Variants in CCDC88A observed in about 807,000 individuals in gnomAD.
CCDC88A encodes the protein coiled-coil and HOOK domain protein 88A.
In CCDC88A, 54 loss-of-function variants were observed where a neutral mutation model predicts 234.3. That is an observed-to-expected ratio of 0.23 (90% CI 0.19 to 0.29). CCDC88A has a LOEUF of 0.29. Among genes scored for constraint, CCDC88A ranks in the 10% least tolerant of loss-of-function variants. The pLI, the probability that CCDC88A is intolerant of heterozygous loss-of-function variation, is 1.00. For synonymous variants in CCDC88A, 753 were observed against 737.8 expected (o/e 1.02, Z -0.33); for missense variants, 1,832 against 2,123.4 (o/e 0.86, Z 2.70).
chr2:55,333,439 G>A (rs943704880), intron 15 of CCDC88A, among the ~76,000 whole-genome samples: 8 of 152,168 alleles, frequency 5.3e-5, no homozygotes, highest in African/African-American at 1.4e-4. Context: ...TAGTTGCTCA[G>A]TGTTGAATGG....
intron 13 of CCDC88A, among the ~76,000 whole-genome samples, chr2:55,338,393 A>G (rs768169505): frequency 3.9e-5 from 6 of 152,244 alleles, no homozygotes; most frequent in Non-Finnish European, 8.8e-5. Context: ...CAGCAGGATG[A>G]GCATCACTTA....
At chr2:55,416,462 ATATATATATATATATATATATATATG>A (rs1681468914) in intron 2 of CCDC88A, among the ~76,000 whole-genome samples, 1 of 89,188 alleles carries the variant, frequency 1.1e-5, no homozygotes, top group Non-Finnish European at 2.1e-5. Flanking sequence ...ATATATATAT[ATATATATATATATATATATATATATG>A]TATATATTTT....
intron 9 of CCDC88A, chr2:55,349,188 G>C (rs936557573): frequency 7.6e-5 from 17 of 222,564 alleles, no homozygotes; most frequent in African/African-American, 3.6e-4. Flanking sequence ...GACACAGAGA[G>C]ATACACATAA....
chr2:55,317,462 T>A lies in CCDC88A; in HGVS notation c.3602+102A>T. 9.0e-7 allele frequency: 1 copy of A among 1,114,210 alleles called. No homozygotes were observed. 69.0% of individuals were successfully genotyped at this position (1,114,210 alleles called of 1,614,324 possible). A position where few individuals can be genotyped will look rare whatever the true frequency, so the allele number is the denominator to read the frequency against. On this transcript the variant is annotated intron_variant, in intron 20 of 32. Coordinates refer to ENST00000436346, the MANE Select transcript of CCDC88A (RefSeq NM_001365480.1). The surrounding 1 kb of genome is among the most constrained non-coding windows in gnomAD (Gnocchi z 4.2). ...ACACATGTAAATTTATATAAATTTC[T>A]TATGTAAACTAACATTAGATGTGTT...
intron 16 of CCDC88A, among the ~76,000 whole-genome samples, chr2:55,331,018 A>G (rs971152774): frequency 6.6e-6 from 1 of 152,194 alleles, no homozygotes; most frequent in Admixed American, 6.5e-5. Flanking sequence ...CTCAATTAAC[A>G]TTGGCTAACT....
intron 12 of CCDC88A, among the ~76,000 whole-genome samples, chr2:55,342,531 A>G (rs553480307): frequency 1.6e-4 from 25 of 152,348 alleles, no homozygotes; most frequent in African/African-American, 5.5e-4. Flanking sequence ...GTAATTCTAA[A>G]TACCTTTAGT....
At chr2:55,418,782 G>T (rs750327114) in intron 2 of CCDC88A, 34 bp downstream of exon 2, 49 of 1,542,248 alleles carry the variant, frequency 3.2e-5, no homozygotes, top group Admixed American at 5.0e-5. Flanking sequence ...ATTTCTCAAA[G>T]AAAACGTTAC....
At chr2:55,362,737 G>A (rs1203803050) in intron 6 of CCDC88A, among the ~76,000 whole-genome samples, 1 of 151,956 alleles carries the variant, frequency 6.6e-6, no homozygotes, top group Non-Finnish European at 1.5e-5. Context: ...GATATATCCT[G>A]ATGACTTCTT....
chr2:55,404,757 T>G lies in CCDC88A; in HGVS notation c.164+14059A>C, dbSNP rs1220750511. 2.6e-5 allele frequency: 4 copies of G among 152,188 alleles called. No individual in the cohort carries two copies. The East Asian group carries it at 7.7e-4, about 29-fold the overall frequency. 9.4% of individuals were successfully genotyped at this position (152,188 alleles called of 1,614,324 possible). A position where few individuals can be genotyped will look rare whatever the true frequency, so the allele number is the denominator to read the frequency against. On this transcript the variant is annotated intron_variant, in intron 2 of 32. Transcript: ENST00000436346. ...AAATAGTTGTTTTTTCGAGACAGAG[T>G]TTCACTGTGTTGGCCAGGCTGGAGT... is the stretch of plus-strand genomic sequence containing the variant.
chr2:55,408,265 G>A (rs1679930255), intron 2 of CCDC88A, among the ~76,000 whole-genome samples: 1 of 151,872 alleles, frequency 6.6e-6, no homozygotes, highest in African/African-American at 2.4e-5. Flanking sequence ...CCTCTCTCAT[G>A]CCCTCACTTC....
At chr2:55,414,497 C>T (rs1681022606) in intron 2 of CCDC88A, among the ~76,000 whole-genome samples, 1 of 152,186 alleles carries the variant, frequency 6.6e-6, no homozygotes, top group Non-Finnish European at 1.5e-5. Flanking sequence ...CTCTTCCTTC[C>T]CATTAGTTTA....
chr2:55,295,551 G>A, intron 31 of CCDC88A, 46 bp downstream of exon 31: 1 of 1,613,996 alleles, frequency 6.2e-7, no homozygotes. Context: ...AGTATGTGTT[G>A]GGATGTCAAG....
In CCDC88A at chr2:55,339,637, A is replaced by T; in HGVS notation, c.1345T>A (p.Ser449Thr). The T allele has an allele frequency of 6.2e-7, 1 of 1,602,964 alleles. No individual in the cohort carries two copies. The highest frequency in any genetic ancestry group is 8.5e-7 in the Non-Finnish European group (1 of 1,177,024). Reference sequence around the variant, plus strand: ...AACTCATTCACCTCATGGCCCAGGGATTTCTGGGGTGCTATAATATTGAAA... The same window carrying T: ...AACTCATTCACCTCATGGCCCAGGGTTTTCTGGGGTGCTATAATATTGAAA... ...TSELSEAPQK[S>T]LGHEVNELTS... The change falls in exon 13 of 33, where the codon TCC (serine) becomes ACC (threonine). Residue 449 changes from serine (S) to threonine (T), a missense_variant. By Grantham distance (58) the Ser-to-Thr change is moderately conservative. Around this residue, in one of 6 missense-constraint regions of CCDC88A, gnomAD observed 1,282 missense variants for 1,543.6 expected, o/e 0.83. Transcript: ENST00000436346.
intron 18 of CCDC88A, among the ~76,000 whole-genome samples, chr2:55,319,291 T>C (rs1421502106): frequency 6.6e-6 from 1 of 152,168 alleles, no homozygotes; most frequent in African/African-American, 2.4e-5. Flanking sequence ...AATATATTTA[T>C]TAACACAAAA....
chr2:55,371,201 T>C (rs1442820273), intron 5 of CCDC88A, among the ~76,000 whole-genome samples: 1 of 152,178 alleles, frequency 6.6e-6, no homozygotes, highest in African/African-American at 2.4e-5. Context: ...ACGAGTTGTG[T>C]TTCTAACTCA....
rs942782406 is a variant in CCDC88A, at chr2:55,418,891, G to A, written c.89C>T (p.Ala30Val). Residue 30 changes from alanine (A) to valine (V), a missense_variant, in exon 2 of 33, where the codon GCA becomes GTA. Physicochemically the swap from Ala to Val is moderately conservative, Grantham distance 64. Coordinates refer to ENST00000436346, the MANE Select transcript of CCDC88A (RefSeq NM_001365480.1). The part of the protein sequence containing the change: ...TWVKTFGPLA[A>V]GNGTNLDEYV... ...TTCATCAAGGTTGGTCCCATTTCCT[G>A]CGGCCAGAGGTCCAAACGTTTTAAC... is the stretch of plus-strand genomic sequence containing the variant. 1 of 1,613,970 alleles carries A rather than the reference G, an allele frequency of 6.2e-7. No homozygotes were observed. The highest frequency in any genetic ancestry group is 1.3e-5 in the African/African-American group (1 of 74,888).
chr2:55,327,706 A>G (rs1163941107), intron 17 of CCDC88A, among the ~76,000 whole-genome samples: 1 of 152,192 alleles, frequency 6.6e-6, no homozygotes, highest in African/African-American at 2.4e-5. Context: ...TGACTCTACC[A>G]ATCTACCATC....
At chr2:55,339,824 C>A in intron 12 of CCDC88A, 176 bp from the exon 13 acceptor site, 1 of 517,128 alleles carries the variant, frequency 1.9e-6, no homozygotes, top group East Asian at 3.4e-5. Context: ...TCTTTTTTTT[C>A]CTTTTCTTTT....
chr2:55,388,706 G>C, intron 3 of CCDC88A, 72 bp downstream of exon 3: 1 of 655,456 alleles, frequency 1.5e-6, no homozygotes. Flanking sequence ...ATATTTGTGA[G>C]ATGACTGATA....
Sources: gnomAD v4.1 joint callset for allele counts (sites outside exome capture counted in the v4.1 genomes callset) on GRCh38, gnomAD v4.1.1 for gene constraint, gnomAD v4.1.1 regional missense constraint, Gnocchi (gnomAD v3.1) non-coding constraint, MANE v1.5 for transcripts, NCBI Gene and HGNC (gene_info 2026-07-23, HGNC 2026-07-21) for gene names.